The following SAMD5 variants were observed in gnomAD, a reference collection of about 807,000 sequenced individuals.
SAMD5 encodes sterile alpha motif domain containing 5.
A neutral mutation model predicts 11.3 loss-of-function variants in SAMD5; 13 were observed. The observed-to-expected ratio is 1.15, with a 90% CI of 0.75 to 1.83. SAMD5 has a LOEUF of 1.83. Ranked by LOEUF, SAMD5 falls within the 40% of genes most tolerant of loss-of-function variation. SAMD5 has a pLI of 0.00. For synonymous variants in SAMD5, 129 were observed against 111.3 expected (o/e 1.16, Z -1.00); for missense variants, 255 against 239.1 (o/e 1.07, Z -0.44).
the SAMD5 span, among the ~76,000 whole-genome samples, chr6:147,802,680 C>T: frequency 5.3e-5 from 8 of 151,398 alleles, no homozygotes; most frequent in African/African-American, 7.2e-5. Flanking sequence ...TGTATAAACA[C>T]ATTGCAGTAT....
At chr6:147,859,144 G>A in the SAMD5 span, among the ~76,000 whole-genome samples, 1 of 152,116 alleles carries the variant, frequency 6.6e-6, no homozygotes, top group Non-Finnish European at 1.5e-5. Flanking sequence ...CCTCGGAGAT[G>A]GGCATTCCCC....
In SAMD5 at chr6:147,569,146, A is replaced by C. The variant is rs1266820752; in HGVS notation, c.*4690A>C. On this transcript the variant is annotated 3_prime_UTR_variant, in exon 2 of 2. Coordinates refer to ENST00000367474, the MANE Select transcript of SAMD5 (RefSeq NM_001030060.3). Reference sequence around the variant, plus strand: ...TAAGGCAGGAGAATGGCTTGAACCCAGGAGGTGGAGGTCGCAGTGAGCTGA... The same window carrying C: ...TAAGGCAGGAGAATGGCTTGAACCCCGGAGGTGGAGGTCGCAGTGAGCTGA... 2 of 177,558 alleles carry C rather than the reference A, an allele frequency of 1.1e-5. No homozygotes were observed. The highest frequency in any genetic ancestry group is 2.2e-5 in the Non-Finnish European group (2 of 91,854). The allele number at this position is 177,558 out of a possible 1,614,324, so 11.0% of individuals were successfully genotyped here. A position where few individuals can be genotyped will look rare whatever the true frequency, so the allele number is the denominator to read the frequency against.
the SAMD5 span, among the ~76,000 whole-genome samples, chr6:147,931,625 C>A: frequency 2.0e-5 from 3 of 152,080 alleles, no homozygotes; most frequent in Non-Finnish European, 4.4e-5. Flanking sequence ...TATTTCTGAA[C>A]AAGAAGTGGC....
intron 1 of SAMD5, among the ~76,000 whole-genome samples, chr6:147,701,011 G>C (rs1434539951): frequency 2.6e-5 from 4 of 152,150 alleles, no homozygotes; most frequent in Admixed American, 2.6e-4. Context: ...AAGGATCCTT[G>C]AATCTTACAT....
At chr6:147,649,225 T>G (rs926895840) in intron 1 of SAMD5, among the ~76,000 whole-genome samples, 2 of 152,176 alleles carry the variant, frequency 1.3e-5, no homozygotes, top group African/African-American at 4.8e-5. Flanking sequence ...TTAGTTTAGT[T>G]TTGTTTTTCA....
At chr6:147,649,000 T>A (rs2128453128) in intron 1 of SAMD5, among the ~76,000 whole-genome samples, 1 of 152,336 alleles carries the variant, frequency 6.6e-6, no homozygotes, top group Non-Finnish European at 1.5e-5. Flanking sequence ...GGAAGTGCAT[T>A]CAAATAAGAG....
chr6:147,774,134 G>A, the SAMD5 span, among the ~76,000 whole-genome samples: 7 of 152,218 alleles, frequency 4.6e-5, 1 homozygote, highest in South Asian at 1.2e-3. Context: ...GAGCCACTGC[G>A]CCTGGCCTCA....
At chr6:147,871,851 T>G in the SAMD5 span, among the ~76,000 whole-genome samples, 1 of 152,210 alleles carries the variant, frequency 6.6e-6, no homozygotes, top group East Asian at 1.9e-4. Flanking sequence ...GTTCTAAATT[T>G]TATTTTCATG....
the SAMD5 span, among the ~76,000 whole-genome samples, chr6:147,929,645 A>G: frequency 6.6e-6 from 1 of 152,182 alleles, no homozygotes; most frequent in African/African-American, 2.4e-5. Context: ...AGATGGTCAC[A>G]CTTGTATGTA....
chr6:147,568,570 C>T lies in SAMD5; in HGVS notation c.*4114C>T, dbSNP rs1789081091. Reference sequence around the variant, plus strand: ...ACATTGCCAATTCTCAGACCAAGTACAAAGTATTAGGAATTTTTTATATCA... The same window carrying T: ...ACATTGCCAATTCTCAGACCAAGTATAAAGTATTAGGAATTTTTTATATCA... On this transcript the variant is annotated 3_prime_UTR_variant, in exon 2 of 2. Transcript: ENST00000367474. The T allele has an allele frequency of 2.0e-6, 2 of 985,200 alleles. No homozygotes were observed. The highest frequency in any genetic ancestry group is 2.4e-6 in the Non-Finnish European group (2 of 829,914). The allele number at this position is 985,200 out of a possible 1,614,324, so 61.0% of individuals were successfully genotyped here.
At chr6:147,927,182 T>C in the SAMD5 span, among the ~76,000 whole-genome samples, 681 of 152,322 alleles carry the variant, frequency 4.5e-3, 5 homozygotes, top group South Asian at 0.016. Flanking sequence ...TAAAATAGTT[T>C]TTTCTAGTTC....
chr6:147,853,636 T>C, the SAMD5 span, among the ~76,000 whole-genome samples: 1 of 152,150 alleles, frequency 6.6e-6, no homozygotes, highest in South Asian at 2.1e-4. Context: ...GAATTTTTTT[T>C]TTTTTTACAT....
chr6:147,842,749 C>T, the SAMD5 span, among the ~76,000 whole-genome samples: 1 of 152,216 alleles, frequency 6.6e-6, no homozygotes, highest in Non-Finnish European at 1.5e-5. Context: ...AAATCACACA[C>T]ATTTTCATGA....
the SAMD5 span, among the ~76,000 whole-genome samples, chr6:147,941,805 G>T: frequency 2.6e-5 from 4 of 152,092 alleles, no homozygotes; most frequent in Non-Finnish European, 5.9e-5. Context: ...TACTTTGGAA[G>T]TTAATTTAGA....
In SAMD5 at chr6:147,708,139, A is replaced by G. The variant is rs1791349484; in HGVS notation, c.163-29178A>G. On this transcript the variant is annotated intron_variant, in intron 1 of 1. Transcript: ENST00000566741. ...TCAGAATGTGACTGTATTTGCAGATATGGTCTTTATGGAGGGTACTTAAGT... is the reference window on the plus strand; with the variant it reads ...TCAGAATGTGACTGTATTTGCAGATGTGGTCTTTATGGAGGGTACTTAAGT... Among the ~76,000 whole-genome samples the G allele has an allele frequency of 2.0e-5, 3 of 152,282 alleles. No individual in the cohort carries two copies. In the South Asian group the frequency reaches 6.2e-4, roughly 32 times the overall value.
the SAMD5 span, among the ~76,000 whole-genome samples, chr6:147,880,944 T>C: frequency 6.6e-6 from 1 of 152,218 alleles, no homozygotes; most frequent in Non-Finnish European, 1.5e-5. Flanking sequence ...TGGGCAAGGA[T>C]GTTAATCTGT....
chr6:147,538,571 G>A (rs1021707686), intron 1 of SAMD5, among the ~76,000 whole-genome samples: 1 of 152,150 alleles, frequency 6.6e-6, no homozygotes, highest in African/African-American at 2.4e-5. Context: ...ATCCTAGGAC[G>A]TCAGACAGAA....
intron 1 of SAMD5, among the ~76,000 whole-genome samples, chr6:147,703,716 T>C (rs1448247943): frequency 1.3e-5 from 2 of 152,110 alleles, no homozygotes; most frequent in Non-Finnish European, 2.9e-5. Flanking sequence ...AATTTAGAGA[T>C]ATTGTGGAAG....
At chr6:147,582,308 A>G (rs1335958133) in intron 1 of SAMD5, among the ~76,000 whole-genome samples, 1 of 148,210 alleles carries the variant, frequency 6.7e-6, no homozygotes, top group Admixed American at 6.9e-5. Flanking sequence ...TGGAGGTTGC[A>G]ATGAGCTGAG....
Sources: allele counts gnomAD v4.1 joint callset (sites outside exome capture counted in the v4.1 genomes callset), GRCh38; gene constraint gnomAD v4.1.1; transcripts MANE v1.5; gene names NCBI Gene and HGNC (gene_info 2026-07-23, HGNC 2026-07-21).